PDE7B: variants seen among roughly 807,000 people sequenced by gnomAD.
PDE7B encodes 3',5'-cyclic-AMP phosphodiesterase 7B.
Under a neutral mutation model 56.2 loss-of-function variants are expected in PDE7B, and 29 were observed. That is an observed-to-expected ratio of 0.52 (90% CI 0.38 to 0.70). The LOEUF is 0.70. Among genes scored for constraint, PDE7B ranks in the 30% least tolerant of loss-of-function variants. PDE7B has a pLI of 0.00. For synonymous variants in PDE7B, 197 were observed against 196.9 expected (o/e 1.00, Z 0.00); for missense variants, 490 against 565.0 (o/e 0.87, Z 1.35).
chr6:136,102,261 G>A (rs2128217278), intron 2 of PDE7B, among the ~76,000 whole-genome samples: 1 of 151,108 alleles, frequency 6.6e-6, no homozygotes, highest in South Asian at 2.1e-4. Context: ...CAATTAAGGA[G>A]CTGGTAGGGG....
At chr6:136,048,571 T>C (rs116009184) in intron 2 of PDE7B, among the ~76,000 whole-genome samples, 2,204 of 152,182 alleles carry the variant, frequency 0.014, 56 homozygotes, top group African/African-American at 0.05. Flanking sequence ...AGGATAAGAC[T>C]AGAAAGATAG....
chr6:135,925,021 G>T (rs1392535904), intron 1 of PDE7B, among the ~76,000 whole-genome samples: 1 of 148,838 alleles, frequency 6.7e-6, no homozygotes, highest in Non-Finnish European at 1.5e-5. Context: ...TGTAAAATGG[G>T]GAAAATCTTG....
chr6:135,985,383 C>G (rs2128204604), intron 2 of PDE7B, among the ~76,000 whole-genome samples: 1 of 152,276 alleles, frequency 6.6e-6, no homozygotes, highest in South Asian at 2.1e-4. Flanking sequence ...CCAGACTATT[C>G]TAGAAATGTT....
At chr6:135,925,333 C>A (rs9494421) in intron 1 of PDE7B, among the ~76,000 whole-genome samples, 46,395 of 151,704 alleles carry the variant, frequency 0.31, 7,787 homozygotes, top group African/African-American at 0.44. Context: ...CTCACATTAT[C>A]CAAAAAGGGC....
intron 2 of PDE7B, among the ~76,000 whole-genome samples, chr6:136,021,442 C>T (rs1333694181): frequency 2.0e-5 from 3 of 151,996 alleles, no homozygotes; most frequent in African/African-American, 2.4e-5. Context: ...GTCGGGAGTT[C>T]GAGACCAGCC....
intron 2 of PDE7B, among the ~76,000 whole-genome samples, chr6:135,986,417 T>A (rs772619014): frequency 2.6e-5 from 4 of 152,230 alleles, no homozygotes; most frequent in Non-Finnish European, 5.9e-5. Context: ...GTAGTAGCCA[T>A]GCAATTAAGC....
intron 2 of PDE7B, among the ~76,000 whole-genome samples, chr6:136,076,155 A>T (rs997646675): frequency 2.6e-5 from 4 of 152,198 alleles, no homozygotes; most frequent in African/African-American, 9.6e-5. Context: ...AAGTGCCTGC[A>T]GAAGAGAGAA....
At chr6:135,987,772 A>T (rs6929951) in intron 2 of PDE7B, among the ~76,000 whole-genome samples, 19 of 152,098 alleles carry the variant, frequency 1.2e-4, no homozygotes, top group African/African-American at 3.6e-4. Flanking sequence ...GCTTTTATTC[A>T]CTAATAAATA....
chr6:136,130,905 A>C lies in PDE7B; in HGVS notation c.167-16446A>C, dbSNP rs755756371. 2.6e-5 allele frequency among the ~76,000 whole-genome samples: 4 copies of C among 152,178 alleles called. No individual in the cohort carries two copies. In the East Asian group the frequency reaches 5.8e-4, roughly 22 times the overall value. On this transcript the variant is annotated intron_variant, in intron 3 of 12. Coordinates refer to ENST00000308191, the MANE Select transcript of PDE7B (RefSeq NM_018945.4). The stretch of plus-strand genomic sequence containing the variant: ...CCCCCTTATCAGACCATCAGATCTC[A>C]TGAGACTTATTTATTACCATGAGAA...
chr6:136,143,535 C>CA (rs1410544460), intron 3 of PDE7B, among the ~76,000 whole-genome samples: 1 of 151,600 alleles, frequency 6.6e-6, no homozygotes, highest in Non-Finnish European at 1.5e-5. Flanking sequence ...AACAATATAT[C>CA]AAAAATTTAA....
chr6:135,869,989 T>A (rs138263320), intron 1 of PDE7B, among the ~76,000 whole-genome samples: 93 of 152,160 alleles, frequency 6.1e-4, no homozygotes, highest in African/African-American at 2.1e-3. Context: ...TCACAGTAAA[T>A]GAGAAGCCAC....
rs72975518 is a variant in PDE7B at position 136,098,507 on chromosome 6, T to C, written c.83-10224T>C. Among the ~76,000 whole-genome samples the C allele has an allele frequency of 4.5e-3, 687 of 152,324 alleles. 4 individuals are homozygous for C. The highest frequency in any genetic ancestry group is 7.3e-3 in the Non-Finnish European group (500 of 68,036). ...TTAACAGTAAATGATTTTCTTTCAA[T>C]TCTAATAAGAACACTTTATGGGATT... On this transcript the variant is annotated intron_variant, in intron 2 of 12. Transcript: ENST00000308191.
rs77357372 is a variant in PDE7B, at chr6:136,191,834, C to A, written c.1347C>A (p.Ser449Arg). 6.5e-7 allele frequency: 1 copy of A among 1,549,330 alleles called. No homozygotes were observed. The highest frequency in any genetic ancestry group is 8.7e-7 in the Non-Finnish European group (1 of 1,146,810). The change falls in exon 13 of 13, where the codon AGC (serine) becomes AGA (arginine). Residue 449 changes from serine (S) to arginine (R), a missense_variant. Coordinates refer to ENST00000308191, the MANE Select transcript of PDE7B (RefSeq NM_018945.4). Reference protein sequence around the residue: ...GTESEEQEGDSP With the variant: ...GTESEEQEGDRP The stretch of plus-strand genomic sequence containing the variant: ...AGAGCGAGGAGCAGGAAGGCGACAG[C>A]CCCTAGGGGCCGGCCCAACTTAGAC...
intron 2 of PDE7B, among the ~76,000 whole-genome samples, chr6:136,048,334 G>C (rs903012244): frequency 2.0e-5 from 3 of 152,128 alleles, no homozygotes; most frequent in African/African-American, 4.8e-5. Context: ...GACCAGCCTG[G>C]CCAACATGGT....
Position 136,195,394 on chromosome 6 carries a change from T to A in PDE7B, c.*3554T>A, listed in dbSNP as rs778168101. On this transcript the variant is annotated 3_prime_UTR_variant, in exon 13 of 13. Transcript: ENST00000308191. ...AGCTTGTATCTCACTGTATTTCTCA[T>A]GCTTTGTTCTTTTAAACAAATCCTT... 1 of 150,690 alleles carries A rather than the reference T, an allele frequency of 6.6e-6. No homozygotes were observed. Among genetic ancestry groups the A allele is most frequent in the African/African-American group, 2.5e-5 (1 of 40,796 alleles). The allele number at this position is 150,690 out of a possible 1,614,324, so 9.3% of individuals were successfully genotyped here. A position where few individuals can be genotyped will look rare whatever the true frequency, so the allele number is the denominator to read the frequency against.
chr6:136,099,027 A>T (rs1180291492), intron 2 of PDE7B, among the ~76,000 whole-genome samples: 5 of 144,760 alleles, frequency 3.5e-5, no homozygotes, highest in Admixed American at 3.0e-4. Flanking sequence ...CATGCAGTGT[A>T]TGGTTTTCTG....
chr6:136,079,059 A>C (rs1193338181), intron 2 of PDE7B, among the ~76,000 whole-genome samples: 1 of 152,170 alleles, frequency 6.6e-6, no homozygotes, highest in Non-Finnish European at 1.5e-5. Context: ...TTATGATGCC[A>C]CTGCATTCCC....
intron 2 of PDE7B, among the ~76,000 whole-genome samples, chr6:136,078,477 A>G (rs1281900594): frequency 6.6e-6 from 1 of 152,088 alleles, no homozygotes; most frequent in Non-Finnish European, 1.5e-5. Flanking sequence ...TTCCTTTAAA[A>G]ACCTCCATGT....
chr6:135,885,265 C>T (rs1775682242), intron 1 of PDE7B, among the ~76,000 whole-genome samples: 1 of 151,862 alleles, frequency 6.6e-6, no homozygotes, highest in African/African-American at 2.4e-5. Context: ...CATCATGATG[C>T]CTTGAAAATG....
Sources: allele counts gnomAD v4.1 joint callset (sites outside exome capture counted in the v4.1 genomes callset), GRCh38; gene constraint gnomAD v4.1.1; transcripts MANE v1.5; gene names NCBI Gene and HGNC (gene_info 2026-07-23, HGNC 2026-07-21).